RYR1: variants seen among roughly 807,000 people sequenced by gnomAD.
RYR1 encodes the protein central core disease of muscle.
A neutral mutation model predicts 583.5 loss-of-function variants in RYR1; 342 were observed. The ratio of observed to expected loss-of-function variants is 0.59; its 90% confidence interval spans 0.54 to 0.64. The LOEUF is 0.64. RYR1 is among the 30% of genes least tolerant of loss of function. The pLI is 0.00. For missense variants in RYR1, 6,032 were observed against 6,917.2 expected (o/e 0.87, Z 4.54); for synonymous variants, 2,791 against 2,822.5 (o/e 0.99, Z 0.35).
chr19:38,506,953 G>A lies in RYR1; in HGVS notation c.8816+1G>A. 1 of 1,612,504 alleles carries A rather than the reference G, an allele frequency of 6.2e-7. No individual in the cohort carries two copies. The highest frequency in any genetic ancestry group is 1.1e-5 in the South Asian group (1 of 91,006). On this transcript the variant is annotated splice_donor_variant, in intron 57 of 105. Transcript: ENST00000359596. LOFTEE classifies it high-confidence loss of function. ...AGATGAATGGCTACGCGGTTACAAG[G>A]CACGCGGGTTGGGGCTCCCGCGGAA...
chr19:38,557,728 C>G (rs1011821865), intron 89 of RYR1, among the ~76,000 whole-genome samples: 3 of 152,130 alleles, frequency 2.0e-5, no homozygotes, highest in African/African-American at 7.2e-5. Context: ...CACTTGAACC[C>G]AGGAGGGGGA....
At chr19:38,556,965 T>G (rs1197403661) in intron 89 of RYR1, among the ~76,000 whole-genome samples, 1 of 151,556 alleles carries the variant, frequency 6.6e-6, no homozygotes, top group African/African-American at 2.4e-5. Context: ...AGGAGGCACC[T>G]CCTTTCCAGA....
Position 38,490,141 on chromosome 19 carries a change from C to T in RYR1, c.5880C>T (p.Ala1960=). 2 of 1,614,246 alleles carry T rather than the reference C, an allele frequency of 1.2e-6. No homozygotes were observed. Among genetic ancestry groups the T allele is most frequent in the Non-Finnish European group, 1.7e-6 (2 of 1,180,050 alleles). Residue 1960 remains alanine (A), a synonymous_variant, in exon 36 of 106, where the codon GCC becomes GCT. Transcript: ENST00000359596. The part of the protein sequence containing the change: ...ELQHRVESLA[A]FAERYVDKLQ... The stretch of plus-strand genomic sequence containing the variant: ...AGCACCGTGTGGAGTCCCTGGCAGC[C>T]TTTGCGGAGCGCTATGTGGACAAGC...
At chr19:38,503,106 A>G (rs1196552273) in intron 49 of RYR1, 136 bp downstream of exon 49, 1 of 826,416 alleles carries the variant, frequency 1.2e-6, no homozygotes, top group East Asian at 2.7e-5. Context: ...GCGTCCCCGT[A>G]GAAATCTCTT....
At chr19:38,442,813 C>T (rs543746699) in intron 3 of RYR1, among the ~76,000 whole-genome samples, 1 of 152,258 alleles carries the variant, frequency 6.6e-6, no homozygotes, top group Non-Finnish European at 1.5e-5. Flanking sequence ...GCCCCTGTCC[C>T]CGACGCCTGC....
rs143102497 is a variant in RYR1 at position 38,496,462 on chromosome 19, C to G, written c.6717C>G (p.Phe2239Leu). The G allele has an allele frequency of 6.2e-7, 1 of 1,613,850 alleles. No individual in the cohort carries two copies. Among genetic ancestry groups the G allele is most frequent in the Non-Finnish European group, 8.5e-7 (1 of 1,180,036 alleles). ...GCTGCTGCCGCTTCCTCTGCTATTT[C>G]TGCCGAATCAGCCGGCAGAACCAGC... Reference protein sequence around the residue: ...VTSCCRFLCYFCRISRQNQRS... With the variant: ...VTSCCRFLCYLCRISRQNQRS... The change falls in exon 41 of 106, where the codon TTC (phenylalanine) becomes TTG (leucine). Residue 2239 changes from phenylalanine (F) to leucine (L), a missense_variant. This residue lies in a region of RYR1 where 2,627 missense variants were observed against 2,961.3 expected (regional missense o/e 0.89). Transcript: ENST00000359596. This position sits in a 1 kb window ranked among gnomAD's most constrained non-coding sequence, Gnocchi z 4.8.
intron 101 of RYR1, among the ~76,000 whole-genome samples, chr19:38,582,408 A>G (rs1320947437): frequency 2.7e-5 from 4 of 146,002 alleles, no homozygotes; most frequent in Non-Finnish European, 6.1e-5. Flanking sequence ...AAAAAAAAGG[A>G]AAAAAAAAAA....
At chr19:38,542,811 G>A (rs1365963087) in intron 84 of RYR1, among the ~76,000 whole-genome samples, 1 of 145,446 alleles carries the variant, frequency 6.9e-6, no homozygotes, top group Non-Finnish European at 1.5e-5. Flanking sequence ...GTGAGCCACC[G>A]CTCCCAGCCT....
chr19:38,537,924 C>A lies in RYR1; in HGVS notation c.11653C>A (p.Arg3885=), dbSNP rs757343741. 6.2e-7 allele frequency: 1 copy of A among 1,613,342 alleles called. No individual in the cohort carries two copies. The highest frequency in any genetic ancestry group is 8.5e-7 in the Non-Finnish European group (1 of 1,179,692). ...ADDEFTQDLF[R]FLQLLCEGHN... ...TGATGAATTCACACAAGACCTGTTC[C>A]GATTCCTACAATTGCTCTGTGAGGG... Residue 3885 remains arginine (R), a synonymous_variant, in exon 84 of 106, where the codon CGA becomes AGA. Coordinates refer to ENST00000359596, the MANE Select transcript of RYR1 (RefSeq NM_000540.3).
intron 58 of RYR1, among the ~76,000 whole-genome samples, chr19:38,508,593 G>C (rs903359829): frequency 1.3e-5 from 2 of 152,226 alleles, no homozygotes; most frequent in African/African-American, 4.8e-5. Context: ...AAGGAGGTCA[G>C]AGAGGAGCTG....
At position 38,489,490 on chromosome 19, in the gene RYR1, G is replaced by C; in HGVS notation, c.5814+47G>C. The stretch of plus-strand genomic sequence containing the variant: ...TTCGGCCTCTGTCCATCTGGGCTGG[G>C]AGACACAGGGTAGGTGGGATGTGAG... On this transcript the variant is annotated intron_variant, in intron 35 of 105. Transcript: ENST00000359596. 1.9e-6 allele frequency: 3 copies of C among 1,610,394 alleles called. No homozygotes were observed. The South Asian group carries it at 3.3e-5, about 18-fold the overall frequency.
In RYR1 at chr19:38,512,425, G is replaced by A. The variant is rs116130182; in HGVS notation, c.9414G>A (p.Pro3138=). 1.1e-3 allele frequency: 1,737 copies of A among 1,613,754 alleles called. 10 individuals carry two copies. In the African/African-American group the frequency reaches 0.015, roughly 14 times the overall value. Residue 3138 remains proline (P), a synonymous_variant, in exon 63 of 106, where the codon CCG becomes CCA. Coordinates refer to ENST00000359596, the MANE Select transcript of RYR1 (RefSeq NM_000540.3). The surrounding 1 kb of genome is among the most constrained non-coding windows in gnomAD (Gnocchi z 5.1). ...CCTACACCACTGTGGCACTGCTGCC[G>A]GTCCTCACCACCCTCTTCCAGCACA... ...NLTYTTVALL[P]VLTTLFQHIA...
intron 53 of RYR1, 74 bp downstream of exon 53, chr19:38,505,472 G>C: frequency 9.2e-7 from 1 of 1,083,784 alleles, no homozygotes; most frequent in Non-Finnish European, 1.4e-6. Context: ...GGAGGAGTGA[G>C]GCAATTTCAC....
chr19:38,434,359 G>C (rs369777901), intron 1 of RYR1, among the ~76,000 whole-genome samples: 1 of 152,068 alleles, frequency 6.6e-6, no homozygotes, highest in Non-Finnish European at 1.5e-5. Flanking sequence ...AGGGTCTTGT[G>C]GGGGAGGGAT....
intron 82 of RYR1, 131 bp from the exon 83 acceptor site, chr19:38,536,618 GT>G: frequency 9.7e-7 from 1 of 1,030,814 alleles, no homozygotes; most frequent in Non-Finnish European, 1.5e-6. Context: ...CTCTCTGTGG[GT>G]TGTTCCTCTC....
chr19:38,507,571 G>T, intron 57 of RYR1, 141 bp from the exon 58 acceptor site: 2 of 712,302 alleles, frequency 2.8e-6, no homozygotes, highest in Non-Finnish European at 5.2e-6. Flanking sequence ...GGGGCATGGG[G>T]GACTCAGAGT....
Position 38,561,508 on chromosome 19 carries a change from G to A in RYR1, c.12624+54G>A. 1.3e-6 allele frequency: 2 copies of A among 1,537,290 alleles called. No homozygotes were observed. The highest frequency in any genetic ancestry group is 1.8e-6 in the Non-Finnish European group (2 of 1,135,390). On this transcript the variant is annotated intron_variant, in intron 90 of 105. Transcript: ENST00000359596. The surrounding 1 kb of genome is among the most constrained non-coding windows in gnomAD (Gnocchi z 4.8). ...GCCTCCTGGGGCTTCGGGCATGCGG[G>A]TGCTCACTTCCTGCACCCTCAGACC...
At position 38,586,133 on chromosome 19, in the gene RYR1, A is replaced by G. The variant is rs756040490; in HGVS notation, c.14911A>G (p.Thr4971Ala). The G allele has an allele frequency of 1.2e-6, 2 of 1,614,098 alleles. No individual in the cohort carries two copies. Among genetic ancestry groups the G allele is most frequent in the South Asian group, 2.2e-5 (2 of 91,080 alleles). ...TGGAATCGGCAGTGACTACTTTGAT[A>G]CGACACCGCATGGCTTCGAGACTCA... is the stretch of plus-strand genomic sequence containing the variant. ...ICGIGSDYFD[T>A]TPHGFETHTL... The change falls in exon 104 of 106, where the codon ACG becomes GCG. Residue 4971 changes from threonine to alanine, a missense_variant. Thr to Ala is a moderately conservative substitution (Grantham distance 58). Around this residue, in one of 11 missense-constraint regions of RYR1, gnomAD observed 189 missense variants for 350.3 expected, o/e 0.54. Transcript: ENST00000359596.
At chr19:38,489,983 G>T in intron 35 of RYR1, 93 bp from the exon 36 acceptor site, 1 of 1,325,002 alleles carries the variant, frequency 7.5e-7, no homozygotes, top group Non-Finnish European at 1.1e-6. Flanking sequence ...CCTGGGCAGG[G>T]CCATGGAGAG....
Sources: allele counts gnomAD v4.1 joint callset (sites outside exome capture counted in the v4.1 genomes callset), GRCh38; gene constraint gnomAD v4.1.1; regional missense constraint gnomAD v4.1.1; non-coding constraint Gnocchi (gnomAD v3.1); transcripts MANE v1.5; gene names NCBI Gene and HGNC (gene_info 2026-07-23, HGNC 2026-07-21).